Variants in SPATA16 observed in about 807,000 individuals in gnomAD.
The protein encoded by SPATA16 is spermatogenesis-associated protein 16.
SPATA16 carries 36 observed loss-of-function variants against 63.3 expected under a neutral mutation model. That is an observed-to-expected ratio of 0.57 (90% CI 0.44 to 0.75). The LOEUF (loss-of-function observed/expected upper bound fraction) is 0.75, where lower values mean the gene tolerates loss of function less well. Ranked by LOEUF, SPATA16 falls within the 30% of genes least tolerant of loss-of-function variation. The pLI is 0.00. For synonymous variants in SPATA16, 203 were observed against 216.7 expected (o/e 0.94, Z 0.56); for missense variants, 646 against 679.3 (o/e 0.95, Z 0.54).
At position 173,133,139 on chromosome 3, in the gene SPATA16, A is replaced by G. The variant is rs572547460; in HGVS notation, c.-19+7964T>C. On this transcript the variant is annotated intron_variant, in intron 1 of 10. Transcript: ENST00000351008. ...TTACTAGAAATACAGAAGGTATGTT[A>G]TTTATTGATTTATTGTTCCTCAGCT... Among the ~76,000 whole-genome samples, 5 of 152,308 alleles carry G rather than the reference A, an allele frequency of 3.3e-5. No homozygotes were observed. In the South Asian group the frequency reaches 1.0e-3, roughly 32 times the overall value.
intron 2 of SPATA16, among the ~76,000 whole-genome samples, chr3:173,115,424 T>C (rs1464714504): frequency 6.6e-6 from 1 of 152,228 alleles, no homozygotes; most frequent in Non-Finnish European, 1.5e-5. Context: ...GTATTCTTTG[T>C]AGAGTCTTTC....
At chr3:173,113,033 C>T (rs1398760185) in intron 2 of SPATA16, among the ~76,000 whole-genome samples, 4 of 152,222 alleles carry the variant, frequency 2.6e-5, no homozygotes, top group African/African-American at 9.6e-5. Flanking sequence ...AATATGATTA[C>T]TGCATCTTCT....
intron 2 of SPATA16, among the ~76,000 whole-genome samples, chr3:173,087,439 C>T (rs1398893679): frequency 1.3e-5 from 2 of 152,112 alleles, no homozygotes; most frequent in Non-Finnish European, 2.9e-5. Flanking sequence ...AGATGGGTCT[C>T]CTGATTACAG....
At chr3:173,096,793 T>A (rs888750231) in intron 2 of SPATA16, among the ~76,000 whole-genome samples, 27 of 151,302 alleles carry the variant, frequency 1.8e-4, no homozygotes, top group African/African-American at 6.1e-4. Context: ...ACAACACTAT[T>A]TCTAGGAGCA....
intron 1 of SPATA16, among the ~76,000 whole-genome samples, chr3:173,139,400 A>C (rs188566121): frequency 6.6e-6 from 1 of 152,332 alleles, no homozygotes; most frequent in East Asian, 1.9e-4. Flanking sequence ...AAAACTCAGC[A>C]AGCTCTTCGT....
At chr3:172,913,870 C>T in intron 9 of SPATA16, 126 bp from the exon 10 acceptor site, 1 of 803,090 alleles carries the variant, frequency 1.2e-6, no homozygotes, top group Non-Finnish European at 2.1e-6. Context: ...ATCTTTCCTA[C>T]AATGAATATT....
intron 2 of SPATA16, among the ~76,000 whole-genome samples, chr3:173,101,970 C>G (rs191608725): frequency 6.6e-6 from 1 of 152,274 alleles, no homozygotes; most frequent in Non-Finnish European, 1.5e-5. Context: ...AATGGTTCTC[C>G]CTTCTCATTC....
At chr3:173,022,925 G>C (rs1186265972) in intron 3 of SPATA16, among the ~76,000 whole-genome samples, 1 of 151,982 alleles carries the variant, frequency 6.6e-6, no homozygotes, top group Non-Finnish European at 1.5e-5. Flanking sequence ...AAGAAAAGGA[G>C]TTAGTAATGG....
At chr3:173,126,784 A>G (rs900064988) in intron 1 of SPATA16, among the ~76,000 whole-genome samples, 4 of 152,216 alleles carry the variant, frequency 2.6e-5, no homozygotes, top group Admixed American at 1.3e-4. Flanking sequence ...GCTTTTAACC[A>G]CATCTTGCAG....
intron 6 of SPATA16, among the ~76,000 whole-genome samples, chr3:172,942,577 C>T (rs9822854): frequency 0.088 from 13,330 of 151,888 alleles, 1,952 homozygotes; most frequent in African/African-American, 0.3. Context: ...AATTGACAAA[C>T]CTACCACTAT....
At chr3:173,013,172 A>G (rs150571111) in intron 4 of SPATA16, among the ~76,000 whole-genome samples, 79 of 152,344 alleles carry the variant, frequency 5.2e-4, no homozygotes, top group African/African-American at 1.8e-3. Flanking sequence ...AAAATGCTCA[A>G]CATAGCTAAT....
chr3:173,095,781 C>A (rs576991269), intron 2 of SPATA16, among the ~76,000 whole-genome samples: 1 of 152,040 alleles, frequency 6.6e-6, no homozygotes. Context: ...AACATTCACC[C>A]GGAATTAATA....
intron 3 of SPATA16, among the ~76,000 whole-genome samples, chr3:173,029,182 A>G (rs1735539427): frequency 6.6e-6 from 1 of 152,040 alleles, no homozygotes; most frequent in Non-Finnish European, 1.5e-5. Flanking sequence ...ATGTAGAATA[A>G]ATTCCTCACT....
chr3:172,962,128 C>G (rs1182107715), intron 5 of SPATA16, among the ~76,000 whole-genome samples: 1 of 151,848 alleles, frequency 6.6e-6, no homozygotes, highest in African/African-American at 2.4e-5. Context: ...TGGTGAGCGC[C>G]TGTAATACCA....
chr3:173,140,698 C>A (rs1159905704), intron 1 of SPATA16, among the ~76,000 whole-genome samples: 4 of 152,200 alleles, frequency 2.6e-5, no homozygotes, highest in Non-Finnish European at 4.4e-5. Context: ...CAGTCATCAT[C>A]TCCCACTTGA....
intron 5 of SPATA16, among the ~76,000 whole-genome samples, chr3:172,958,958 G>C (rs1479927490): frequency 6.6e-6 from 1 of 152,140 alleles, no homozygotes; most frequent in East Asian, 1.9e-4. Context: ...GGCACTAGGG[G>C]TTAGGACTTC....
chr3:172,969,590 A>T (rs936760043), intron 5 of SPATA16, among the ~76,000 whole-genome samples: 1 of 152,204 alleles, frequency 6.6e-6, no homozygotes, highest in Non-Finnish European at 1.5e-5. Context: ...GCAGTTGGTT[A>T]CTAGACTGGT....
intron 6 of SPATA16, among the ~76,000 whole-genome samples, chr3:172,945,365 G>C (rs1339941743): frequency 1.3e-5 from 2 of 152,198 alleles, no homozygotes; most frequent in South Asian, 2.1e-4. Flanking sequence ...GAACTCTCCA[G>C]TGATTGTCTC....
chr3:173,109,559 C>G (rs1321091170), intron 2 of SPATA16, among the ~76,000 whole-genome samples: 5 of 152,132 alleles, frequency 3.3e-5, no homozygotes, highest in African/African-American at 1.2e-4. Context: ...ATCTATGTAT[C>G]TTAAATCTTC....
Sources: allele counts gnomAD v4.1 joint callset (sites outside exome capture counted in the v4.1 genomes callset), GRCh38; gene constraint gnomAD v4.1.1; transcripts MANE v1.5; gene names NCBI Gene and HGNC (gene_info 2026-07-23, HGNC 2026-07-21).